Variants in RETREG1 observed in about 807,000 individuals in gnomAD.
The protein encoded by RETREG1 is reticulophagy regulator 1.
In RETREG1, 44 loss-of-function variants were observed where a neutral mutation model predicts 54.8. The ratio of observed to expected loss-of-function variants is 0.80; its 90% CI spans 0.63 to 1.03. The LOEUF (loss-of-function observed/expected upper bound fraction) is 1.03, where lower values mean the gene tolerates loss of function less well. Ranked by LOEUF, RETREG1 falls within the 50% of genes least tolerant of loss-of-function variation. The pLI, the probability that RETREG1 is intolerant of heterozygous loss-of-function variation, is 0.00. For synonymous variants in RETREG1, 217 were observed against 238.5 expected (o/e 0.91, Z 0.83); for missense variants, 554 against 605.1 (o/e 0.92, Z 0.89).
chr5:16,573,077 G>A lies in RETREG1; in HGVS notation c.321-975C>T, dbSNP rs889913837. The stretch of plus-strand genomic sequence containing the variant: ...GTGCGCCTGCAGTCCCAGCTACTCC[G>A]AGTCTGAAGCAGGAGAATCACTTGA... On this transcript the variant is annotated intron_variant, in intron 1 of 8. Transcript: ENST00000306320. Among the ~76,000 whole-genome samples the A allele has an allele frequency of 9.2e-4, 136 of 148,212 alleles. 1 individual carries two copies. Among genetic ancestry groups the A allele is most frequent in the Non-Finnish European group, 5.5e-4 (37 of 67,410 alleles).
intron 2 of RETREG1, among the ~76,000 whole-genome samples, chr5:16,571,628 G>A (rs778039502): frequency 2.0e-5 from 3 of 151,658 alleles, no homozygotes; most frequent in Non-Finnish European, 4.4e-5. Flanking sequence ...TGAATTAGTT[G>A]TTTTTCTTCA....
At chr5:16,612,017 A>G (rs1413354127) in intron 1 of RETREG1, among the ~76,000 whole-genome samples, 1 of 150,878 alleles carries the variant, frequency 6.6e-6, no homozygotes. Context: ...GTGAGCCAAG[A>G]TCGCACCACT....
chr5:16,581,657 T>G (rs1221455514), intron 1 of RETREG1, among the ~76,000 whole-genome samples: 2 of 151,988 alleles, frequency 1.3e-5, no homozygotes, highest in Non-Finnish European at 2.9e-5. Context: ...CCCAAGTGAT[T>G]AGAAGCAATA....
At chr5:16,599,957 C>A (rs904820125) in intron 1 of RETREG1, among the ~76,000 whole-genome samples, 2 of 152,116 alleles carry the variant, frequency 1.3e-5, no homozygotes, top group South Asian at 2.1e-4. Context: ...AAAAGCACGT[C>A]CCCCTGAGCT....
intron 3 of RETREG1, among the ~76,000 whole-genome samples, chr5:16,483,733 T>C (rs1349094559): frequency 6.6e-6 from 1 of 152,122 alleles, no homozygotes; most frequent in African/African-American, 2.4e-5. Flanking sequence ...ACATCTTTAA[T>C]GAAGAGTCAT....
intron 6 of RETREG1, 145 bp downstream of exon 6, chr5:16,478,705 A>G (rs556448033): frequency 8.5e-6 from 6 of 708,674 alleles, no homozygotes; most frequent in Non-Finnish European, 1.4e-5. Flanking sequence ...GGAAAAGGAT[A>G]TATATAACTT....
intron 1 of RETREG1, among the ~76,000 whole-genome samples, chr5:16,582,261 T>G (rs916888263): frequency 1.3e-5 from 2 of 152,244 alleles, no homozygotes; most frequent in African/African-American, 4.8e-5. Flanking sequence ...TATTTCTATA[T>G]AGTAATGTGA....
chr5:16,528,339 A>G (rs1361009323), intron 3 of RETREG1, among the ~76,000 whole-genome samples: 1 of 152,134 alleles, frequency 6.6e-6, no homozygotes, highest in Non-Finnish European at 1.5e-5. Context: ...AATTCACATG[A>G]GTAAAAAAAA....
chr5:16,556,054 G>A (rs1263993100), intron 3 of RETREG1, among the ~76,000 whole-genome samples: 1 of 152,068 alleles, frequency 6.6e-6, no homozygotes, highest in Admixed American at 6.5e-5. Context: ...TAAACCTGGG[G>A]TTATGAGAAT....
At chr5:16,557,225 C>T (rs1218706909) in intron 3 of RETREG1, among the ~76,000 whole-genome samples, 3 of 152,174 alleles carry the variant, frequency 2.0e-5, no homozygotes, top group African/African-American at 4.8e-5. Flanking sequence ...ATTCTAGGCA[C>T]GTACTTACTT....
In RETREG1 at chr5:16,528,543, G is replaced by A. The variant is rs543148927; in HGVS notation, c.458+37220C>T. Among the ~76,000 whole-genome samples, 11 of 152,246 alleles carry A rather than the reference G, an allele frequency of 7.2e-5. No individual in the cohort carries two copies. The South Asian group carries it at 2.3e-3, about 32-fold the overall frequency. ...TTCAGGAGCAAAAGAAAGATTAGGG[G>A]GCCAAGGAGGAGTGAGACCTGTCCC... On this transcript the variant is annotated intron_variant, in intron 3 of 8. Coordinates refer to ENST00000306320, the MANE Select transcript of RETREG1 (RefSeq NM_001034850.3).
At chr5:16,544,433 A>C (rs1412964483) in intron 3 of RETREG1, among the ~76,000 whole-genome samples, 1 of 152,158 alleles carries the variant, frequency 6.6e-6, no homozygotes, top group Non-Finnish European at 1.5e-5. Context: ...ATCAAGTCCA[A>C]TCTATCAAAT....
chr5:16,565,176 A>G (rs1249388327), intron 3 of RETREG1, among the ~76,000 whole-genome samples: 1 of 152,030 alleles, frequency 6.6e-6, no homozygotes, highest in African/African-American at 2.4e-5. Context: ...TTCCTTGTCC[A>G]TTTGGAAACA....
At chr5:16,586,197 C>T (rs947137526) in intron 1 of RETREG1, among the ~76,000 whole-genome samples, 2 of 152,162 alleles carry the variant, frequency 1.3e-5, no homozygotes, top group Non-Finnish European at 2.9e-5. Context: ...TCATGAAGGT[C>T]AGGAAGCCAT....
At chr5:16,482,141 G>A (rs2126518729) in intron 4 of RETREG1, among the ~76,000 whole-genome samples, 1 of 152,024 alleles carries the variant, frequency 6.6e-6, no homozygotes, top group Middle Eastern at 3.4e-3. Flanking sequence ...AAAATTAAGA[G>A]CTGTTTCTAA....
chr5:16,582,492 G>T (rs1050872683), intron 1 of RETREG1, among the ~76,000 whole-genome samples: 4 of 151,918 alleles, frequency 2.6e-5, no homozygotes, highest in Non-Finnish European at 5.9e-5. Context: ...GGTATTGACG[G>T]GATAGTTTAT....
intron 3 of RETREG1, among the ~76,000 whole-genome samples, chr5:16,499,241 A>T (rs1164479297): frequency 6.6e-6 from 1 of 152,178 alleles, no homozygotes; most frequent in African/African-American, 2.4e-5. Context: ...CCATGTCCTT[A>T]TGCGGCGTAT....
At chr5:16,588,469 G>C (rs6868146) in intron 1 of RETREG1, among the ~76,000 whole-genome samples, 11,332 of 152,174 alleles carry the variant, frequency 0.074, 1,412 homozygotes, top group African/African-American at 0.26. Context: ...ATTTGAATTT[G>C]GGGGCAGCAC....
chr5:16,575,877 G>C (rs1199696615), intron 1 of RETREG1, among the ~76,000 whole-genome samples: 1 of 152,162 alleles, frequency 6.6e-6, no homozygotes. Context: ...AGCACTTTTG[G>C]TACTTTAATT....
Sources: allele counts gnomAD v4.1 joint callset (sites outside exome capture counted in the v4.1 genomes callset), GRCh38; gene constraint gnomAD v4.1.1; transcripts MANE v1.5; gene names NCBI Gene and HGNC (gene_info 2026-07-23, HGNC 2026-07-21).